NF1: variants seen among roughly 807,000 people sequenced by gnomAD.
The protein encoded by NF1 is neurofibromin.
A neutral mutation model predicts 325.7 loss-of-function variants in NF1; 122 were observed. The observed-to-expected ratio is 0.37, with a 90% CI of 0.32 to 0.44. The LOEUF (loss-of-function observed/expected upper bound fraction) is 0.44, where lower values mean the gene tolerates loss of function less well. NF1 is among the 20% of genes least tolerant of loss of function. The pLI, the probability that NF1 is intolerant of heterozygous loss-of-function variation, is 1.00. For synonymous variants in NF1, 1,091 were observed against 1,186.0 expected, an observed-to-expected ratio of 0.92 and a Z score of 1.65; for missense variants, 2,140 against 3,415.4, an observed-to-expected ratio of 0.63 and a Z score of 9.31.
chr17:31,349,458 T>C (rs2070086472), intron 49 of NF1, among the ~76,000 whole-genome samples: 1 of 152,182 alleles, frequency 6.6e-6, no homozygotes, highest in South Asian at 2.1e-4. Context: ...AAATCTGAAA[T>C]GTGTTCCCTT....
At position 31,274,305 on chromosome 17, in the gene NF1, A is replaced by G. The variant is rs1430382929; in HGVS notation, c.4835+8966A>G. ...TCAGCCGTTTTCCATGATAACTAGCATATAGGGAAATTGGGTTGTATTCTG... is the reference window on the plus strand; with the variant it reads ...TCAGCCGTTTTCCATGATAACTAGCGTATAGGGAAATTGGGTTGTATTCTG... On this transcript the variant is annotated intron_variant, in intron 36 of 57. Coordinates refer to ENST00000358273, the MANE Select transcript of NF1 (RefSeq NM_001042492.3). Among the ~76,000 whole-genome samples the G allele has an allele frequency of 3.9e-5, 6 of 152,172 alleles. No homozygotes were observed. The East Asian group carries it at 1.2e-3, about 29-fold the overall frequency.
intron 29 of NF1, among the ~76,000 whole-genome samples, chr17:31,240,195 C>T (rs1198162710): frequency 2.0e-5 from 3 of 152,230 alleles, no homozygotes; most frequent in Admixed American, 6.5e-5. Flanking sequence ...CTTTTGTACA[C>T]ATTAACCATC....
chr17:31,188,010 C>A (rs2066273907), intron 8 of NF1, among the ~76,000 whole-genome samples: 2 of 152,162 alleles, frequency 1.3e-5, no homozygotes, highest in South Asian at 2.1e-4. Context: ...GCATGGAGAT[C>A]CATTAGGGCG....
intron 30 of NF1, chr17:31,249,911 A>G (rs1294400006): frequency 2.1e-6 from 1 of 483,510 alleles, no homozygotes; most frequent in South Asian, 1.5e-5. Context: ...TAAGGGAAAT[A>G]CACAGTTATC....
chr17:31,209,342 A>G (rs181022597), intron 12 of NF1, among the ~76,000 whole-genome samples: 31 of 152,368 alleles, frequency 2.0e-4, no homozygotes, highest in Admixed American at 1.3e-3. Flanking sequence ...CAAAACAGTA[A>G]AAGTAAAATA....
At chr17:31,180,809 T>C (rs901554324) in intron 5 of NF1, among the ~76,000 whole-genome samples, 2 of 152,142 alleles carry the variant, frequency 1.3e-5, no homozygotes, top group African/African-American at 4.8e-5. Context: ...TCAAATTGCC[T>C]CTGTTTGCAG....
At chr17:31,177,452 G>A (rs915513845) in intron 5 of NF1, among the ~76,000 whole-genome samples, 2 of 151,814 alleles carry the variant, frequency 1.3e-5, no homozygotes, top group African/African-American at 2.4e-5. Flanking sequence ...AAACGAGCAC[G>A]CCTCTTCTCC....
chr17:31,328,941 T>C (rs559945604), intron 38 of NF1, among the ~76,000 whole-genome samples: 6 of 152,272 alleles, frequency 3.9e-5, no homozygotes, highest in African/African-American at 1.4e-4. Flanking sequence ...TCCAATTCTT[T>C]ATAAGTGTTG....
chr17:31,242,345 C>T (rs2067313514), intron 29 of NF1, among the ~76,000 whole-genome samples: 2 of 94,474 alleles, frequency 2.1e-5, no homozygotes, highest in Admixed American at 3.5e-4. Flanking sequence ...GATGGAGGTT[C>T]ACTCTTGTCG....
intron 57 of NF1, among the ~76,000 whole-genome samples, chr17:31,362,839 G>A (rs996545646): frequency 1.3e-5 from 2 of 152,154 alleles, no homozygotes; most frequent in African/African-American, 2.4e-5. Flanking sequence ...TAATCTGGAT[G>A]AGAATAAAGA....
In NF1 at chr17:31,265,350, C is replaced by T. The variant is rs2067767894; in HGVS notation, c.4835+11C>T. On this transcript the variant is annotated intron_variant, in intron 36 of 57. Transcript: ENST00000358273. ...TTATGTTGCACGGAGGTAAGAAATACTATGTTTTGGGTCTCTTAACAGAAT... is the reference window on the plus strand; with the variant it reads ...TTATGTTGCACGGAGGTAAGAAATATTATGTTTTGGGTCTCTTAACAGAAT... 6.3e-7 allele frequency: 1 copy of T among 1,585,600 alleles called. No individual in the cohort carries two copies. The highest frequency in any genetic ancestry group is 1.3e-5 in the African/African-American group (1 of 74,282).
intron 36 of NF1, among the ~76,000 whole-genome samples, chr17:31,310,357 G>GA (rs201712643): frequency 3.4e-5 from 5 of 146,512 alleles, no homozygotes; most frequent in East Asian, 2.0e-4. Flanking sequence ...ATAAACAGGT[G>GA]AAAAAAAAAG....
intron 29 of NF1, among the ~76,000 whole-genome samples, chr17:31,246,253 C>T (rs912130651): frequency 6.6e-6 from 1 of 152,218 alleles, no homozygotes; most frequent in Non-Finnish European, 1.5e-5. Context: ...CACCTACTTT[C>T]TCTTTCTGAA....
chr17:31,281,695 C>T (rs542586531), intron 36 of NF1, among the ~76,000 whole-genome samples: 1 of 152,156 alleles, frequency 6.6e-6, no homozygotes, highest in South Asian at 2.1e-4. Context: ...ATCTTGATAA[C>T]CTGACTCTGA....
intron 36 of NF1, chr17:31,272,635 C>T (rs908859688): frequency 2.0e-5 from 3 of 152,104 alleles, no homozygotes; most frequent in East Asian, 1.9e-4. Flanking sequence ...GGTCTGGTCC[C>T]GGGATTCAGG....
chr17:31,236,280 GT>G (rs2067202614), intron 29 of NF1, among the ~76,000 whole-genome samples: 1 of 151,940 alleles, frequency 6.6e-6, no homozygotes, highest in Non-Finnish European at 1.5e-5. Context: ...ACTGTTACTA[GT>G]TAAGTCTGTT....
chr17:31,315,933 A>C (rs1027422823), intron 36 of NF1, among the ~76,000 whole-genome samples: 3 of 152,032 alleles, frequency 2.0e-5, no homozygotes, highest in African/African-American at 7.2e-5. Flanking sequence ...TTTTGGAAGT[A>C]TTGTTGTTTT....
At chr17:31,227,822 T>C (rs2067043564) in intron 20 of NF1, among the ~76,000 whole-genome samples, 1 of 152,216 alleles carries the variant, frequency 6.6e-6, no homozygotes. Context: ...TAAAATTAAA[T>C]AAAATTTAGT....
Position 31,276,888 on chromosome 17 carries a change from G to A in NF1, c.4835+11549G>A, listed in dbSNP as rs149868308. 9.2e-5 allele frequency among the ~76,000 whole-genome samples: 14 copies of A among 152,032 alleles called. No homozygotes were observed. In the East Asian group the frequency reaches 1.2e-3, roughly 13 times the overall value. On this transcript the variant is annotated intron_variant, in intron 36 of 57. Coordinates refer to ENST00000358273, the MANE Select transcript of NF1 (RefSeq NM_001042492.3). ...GGGGTTAGGGGCACTGAATCTCCACGCAATGGAAAATCTACGTATAACTTT... is the reference window on the plus strand; with the variant it reads ...GGGGTTAGGGGCACTGAATCTCCACACAATGGAAAATCTACGTATAACTTT...
Sources: allele counts gnomAD v4.1 joint callset (sites outside exome capture counted in the v4.1 genomes callset), GRCh38; gene constraint gnomAD v4.1.1; transcripts MANE v1.5; gene names NCBI Gene and HGNC (gene_info 2026-07-23, HGNC 2026-07-21).